GLB1: variants seen among roughly 807,000 people sequenced by gnomAD.
GLB1 encodes the protein galactosidase beta 1.
A neutral mutation model predicts 74.0 loss-of-function variants in GLB1; 56 were observed. That is an observed-to-expected ratio of 0.76 (90% CI 0.61 to 0.94). The LOEUF (loss-of-function observed/expected upper bound fraction) is 0.94. Among genes scored for constraint, GLB1 ranks in the 40% least tolerant of loss-of-function variants. The pLI is 0.00. For synonymous variants in GLB1, 323 were observed against 323.6 expected, an observed-to-expected ratio of 1.00 and a Z score of 0.02; for missense variants, 787 against 845.5, an observed-to-expected ratio of 0.93 and a Z score of 0.86.
chr3:33,062,500 T>C (rs958414001), intron 5 of GLB1, among the ~76,000 whole-genome samples: 1 of 152,110 alleles, frequency 6.6e-6, no homozygotes, highest in Non-Finnish European at 1.5e-5. Context: ...ACAGAAATAC[T>C]GTTTACAGGC....
intron 5 of GLB1, among the ~76,000 whole-genome samples, chr3:33,062,527 T>C (rs1699484826): frequency 6.6e-6 from 1 of 152,124 alleles, no homozygotes; most frequent in Non-Finnish European, 1.5e-5. Flanking sequence ...CAGTGGCTCA[T>C]GGCTTTCATC....
At chr3:33,074,389 G>GAAAGAAAGAAAGAAAGAAA (rs1559412979) in intron 1 of GLB1, among the ~76,000 whole-genome samples, 1 of 38,884 alleles carries the variant, frequency 2.6e-5, no homozygotes, top group Non-Finnish European at 4.7e-5. Context: ...AGGAAGGAAG[G>GAAAGAAAGAAAGAAAGAAA]AAGAAAGAAA....
At chr3:32,990,671 C>T in the GLB1 span, among the ~76,000 whole-genome samples, 2 of 152,156 alleles carry the variant, frequency 1.3e-5, no homozygotes, top group Non-Finnish European at 2.9e-5. Flanking sequence ...CCAAAGCACT[C>T]TGGTAAAAAG....
At position 33,042,370 on chromosome 3, in the gene GLB1, C is replaced by CTTT. The variant is rs66685286; in HGVS notation, c.1068+3747_1068+3749dup. 2.9e-4 allele frequency among the ~76,000 whole-genome samples: 29 copies of CTTT among 99,226 alleles called. 2 individuals are homozygous for CTTT. The highest frequency in any genetic ancestry group is 0.012 in the Middle Eastern group (1 of 86). 65.1% of individuals were successfully genotyped at this position (99,226 alleles called of 152,430 possible). A position where few individuals can be genotyped will look rare whatever the true frequency, so the allele number is the denominator to read the frequency against. Reference sequence around the variant, plus strand: ...TATATCCCTGACCCCTCATCTCCTCCTTTTTTTTTTTTTTTTTTTCCAAGT... The same window carrying CTTT: ...TATATCCCTGACCCCTCATCTCCTCCTTTTTTTTTTTTTTTTTTTTTTCCAAGT... On this transcript the variant is annotated intron_variant, in intron 10 of 15. Transcript: ENST00000307363.
downstream of GLB1, among the ~76,000 whole-genome samples, chr3:32,994,481 AT>A (rs1262781755): frequency 6.6e-6 from 1 of 152,224 alleles, no homozygotes; most frequent in Non-Finnish European, 1.5e-5. Context: ...AAATAAGGTT[AT>A]TGAGAGAAAT....
chr3:33,070,539 A>G (rs919026520), intron 2 of GLB1, among the ~76,000 whole-genome samples: 3 of 152,198 alleles, frequency 2.0e-5, no homozygotes, highest in African/African-American at 7.2e-5. Context: ...TATCAGCACT[A>G]ATTCCTATTA....
At chr3:32,997,481 C>T in intron 15 of GLB1, 137 bp from the exon 16 acceptor site, 1 of 1,405,068 alleles carries the variant, frequency 7.1e-7, no homozygotes, top group Non-Finnish European at 9.7e-7. Flanking sequence ...GACAGCCAGG[C>T]CCATGCCAGC....
Position 33,094,503 on chromosome 3 carries a change from A to C in GLB1, c.75+2508T>G, listed in dbSNP as rs116954049. On this transcript the variant is annotated intron_variant, in intron 1 of 15. Coordinates refer to ENST00000307363, the MANE Select transcript of GLB1 (RefSeq NM_000404.4). Reference sequence around the variant, plus strand: ...GATGGGCAGTTTTCATTTTCTTACCACATGTTCTATACGTTTAAAGTTTCT... The same window carrying C: ...GATGGGCAGTTTTCATTTTCTTACCCCATGTTCTATACGTTTAAAGTTTCT... 2.2e-3 allele frequency among the ~76,000 whole-genome samples: 335 copies of C among 152,316 alleles called. 7 individuals are homozygous for C. In the South Asian group the frequency reaches 0.041, roughly 19 times the overall value.
intron 15 of GLB1, among the ~76,000 whole-genome samples, chr3:33,002,475 C>T (rs1242514593): frequency 1.3e-5 from 2 of 151,888 alleles, no homozygotes; most frequent in African/African-American, 2.4e-5. Flanking sequence ...TTAAGCGATC[C>T]TCCTGTGTCA....
intron 1 of GLB1, among the ~76,000 whole-genome samples, chr3:33,088,286 A>G (rs1700607709): frequency 6.6e-6 from 1 of 152,092 alleles, no homozygotes; most frequent in Non-Finnish European, 1.5e-5. Context: ...AGAAAGAAAT[A>G]AAAGGCATTC....
At chr3:33,044,743 A>T (rs1361048114) in intron 10 of GLB1, among the ~76,000 whole-genome samples, 4 of 152,196 alleles carry the variant, frequency 2.6e-5, no homozygotes, top group African/African-American at 9.6e-5. Flanking sequence ...AAACGACATC[A>T]TACTTAAAAC....
At chr3:32,974,057 G>A in the GLB1 span, among the ~76,000 whole-genome samples, 1 of 152,164 alleles carries the variant, frequency 6.6e-6, no homozygotes, top group Non-Finnish European at 1.5e-5. Flanking sequence ...GGCAGCTGTA[G>A]GCCTTGTTAG....
chr3:33,010,627 TA>T (rs1353403282), intron 15 of GLB1, among the ~76,000 whole-genome samples: 7 of 152,218 alleles, frequency 4.6e-5, no homozygotes, highest in Admixed American at 4.6e-4. Flanking sequence ...GAAGAACAAA[TA>T]TTTTTAATTC....
intron 1 of GLB1, chr3:33,090,513 C>T: frequency 1.0e-6 from 1 of 985,370 alleles, no homozygotes; most frequent in Non-Finnish European, 1.2e-6. Context: ...AAAAGCATTG[C>T]ATTTCAATTT....
intron 15 of GLB1, among the ~76,000 whole-genome samples, chr3:32,998,008 C>G (rs1257736171): frequency 4.6e-5 from 7 of 152,174 alleles, no homozygotes. Flanking sequence ...CTGCTATGTT[C>G]TAAGGACTCT....
intron 1 of GLB1, among the ~76,000 whole-genome samples, chr3:33,076,299 G>A (rs984352701): frequency 6.6e-6 from 1 of 152,186 alleles, no homozygotes; most frequent in African/African-American, 2.4e-5. Flanking sequence ...AGGAGCCACA[G>A]AGCCTCAATA....
intron 10 of GLB1, among the ~76,000 whole-genome samples, chr3:33,026,073 G>A (rs1697739807): frequency 6.6e-6 from 1 of 152,122 alleles, no homozygotes; most frequent in East Asian, 1.9e-4. Context: ...CTGTGCCCGG[G>A]GCAGTGCCAC....
At chr3:33,018,427 C>T in intron 13 of GLB1, 21 bp downstream of exon 13, 1 of 1,607,778 alleles carries the variant, frequency 6.2e-7, no homozygotes, top group Non-Finnish European at 8.5e-7. Flanking sequence ...ACAAAACGCA[C>T]AGTTCAGAGA....
intron 15 of GLB1, among the ~76,000 whole-genome samples, chr3:33,003,733 C>T (rs1696672944): frequency 6.6e-6 from 1 of 152,130 alleles, no homozygotes; most frequent in South Asian, 2.1e-4. Flanking sequence ...GTCCCTCTAT[C>T]AAGAAGTAGA....
Sources: gnomAD v4.1 joint callset for allele counts (sites outside exome capture counted in the v4.1 genomes callset) on GRCh38, gnomAD v4.1.1 for gene constraint, MANE v1.5 for transcripts, NCBI Gene and HGNC (gene_info 2026-07-23, HGNC 2026-07-21) for gene names.